Variants in CCK observed in about 807,000 individuals in gnomAD.
CCK encodes the protein cholecystokinin.
Under a neutral mutation model 10.1 loss-of-function variants are expected in CCK, and 11 were observed. The ratio of observed to expected loss-of-function variants is 1.09; its 90% CI spans 0.69 to 1.81. CCK has a LOEUF of 1.81. Among genes scored for constraint, CCK ranks in the 40% most tolerant of loss-of-function variants. The pLI is 0.00. For synonymous variants in CCK, 83 were observed against 71.9 expected (o/e 1.15, Z -0.78); for missense variants, 137 against 159.9 (o/e 0.86, Z 0.77).
In CCK at chr3:42,257,889, C is replaced by T. The variant is rs1711156944; in HGVS notation, c.*209G>A. ...GACCAGGAGTCACAGATGAAGAAAA[C>T]ATTTTGTCTTCCATTTGCACAATTC... On this transcript the variant is annotated 3_prime_UTR_variant, in exon 5 of 5. Transcript: ENST00000396169. 2.0e-6 allele frequency: 1 copy of T among 509,678 alleles called. No individual in the cohort carries two copies. Among genetic ancestry groups the T allele is most frequent in the Non-Finnish European group, 3.4e-6 (1 of 292,066 alleles). 31.6% of individuals were successfully genotyped at this position (509,678 alleles called of 1,614,324 possible).
chr3:42,259,787 A>G (rs1269338824), intron 4 of CCK, among the ~76,000 whole-genome samples: 2 of 152,204 alleles, frequency 1.3e-5, no homozygotes, highest in African/African-American at 4.8e-5. Flanking sequence ...CTCCTGGGGT[A>G]TGAAATCAGC....
intron 4 of CCK, among the ~76,000 whole-genome samples, chr3:42,260,718 T>C (rs1351403257): frequency 1.3e-5 from 2 of 152,236 alleles, no homozygotes; most frequent in Non-Finnish European, 2.9e-5. Context: ...CGGGACTGTC[T>C]GCATGTCACT....
At chr3:42,260,153 C>T (rs1711191553) in intron 4 of CCK, among the ~76,000 whole-genome samples, 1 of 152,200 alleles carries the variant, frequency 6.6e-6, no homozygotes. Flanking sequence ...CAACCCTTCC[C>T]AGTTTTGGAA....
At chr3:42,263,106 T>C (rs1423261747) in intron 4 of CCK, 6 of 461,126 alleles carry the variant, frequency 1.3e-5, no homozygotes, top group South Asian at 2.1e-5. Context: ...TAGAGGGTAT[T>C]CACTGTATCT....
intron 4 of CCK, among the ~76,000 whole-genome samples, chr3:42,260,831 T>C (rs1711200484): frequency 6.6e-6 from 1 of 152,224 alleles, no homozygotes; most frequent in Non-Finnish European, 1.5e-5. Context: ...GTTTAGCTCT[T>C]TTAAACTTTA....
At chr3:42,262,021 G>A (rs1279083604) in intron 4 of CCK, among the ~76,000 whole-genome samples, 2 of 152,098 alleles carry the variant, frequency 1.3e-5, no homozygotes, top group African/African-American at 4.8e-5. Context: ...TGAAGCCTCT[G>A]GGTCAGAGTT....
intron 4 of CCK, among the ~76,000 whole-genome samples, chr3:42,258,531 T>C (rs1195399557): frequency 2.6e-5 from 4 of 152,202 alleles, no homozygotes; most frequent in Non-Finnish European, 5.9e-5. Context: ...CTTGCCTAGA[T>C]TTTCCTTAGT....
intron 4 of CCK, 132 bp from the exon 5 acceptor site, chr3:42,258,363 A>G (rs767491104): frequency 1.1e-5 from 11 of 994,410 alleles, no homozygotes; most frequent in Non-Finnish European, 1.5e-5. Flanking sequence ...TCAAAGAGCT[A>G]TCAAAGTAGT....
intron 4 of CCK, 48 bp downstream of exon 4, chr3:42,263,369 G>C: frequency 6.2e-7 from 1 of 1,613,884 alleles, no homozygotes; most frequent in East Asian, 2.2e-5. Context: ...AGCATCGGGA[G>C]CCTGGGAACA....
At position 42,263,409 on chromosome 3, in the gene CCK, A is replaced by ATT; in HGVS notation, c.214+6_214+7dup. Reference sequence around the variant, plus strand: ...CAGAAGTGAGGGATGGGGAGGCAGCATTCTTACCTTTCCGGGCCTGCTGGA... The same window carrying ATT: ...CAGAAGTGAGGGATGGGGAGGCAGCATTTTCTTACCTTTCCGGGCCTGCTGGA... On this transcript the variant is annotated splice_region_variant and intron_variant, in intron 4 of 4. Transcript: ENST00000396169. 6.2e-7 allele frequency: 1 copy of ATT among 1,614,172 alleles called. No homozygotes were observed. Among genetic ancestry groups the ATT allele is most frequent in the South Asian group, 1.1e-5 (1 of 91,084 alleles).
In CCK at chr3:42,258,024, T is replaced by A; in HGVS notation, c.*74A>T. 1 of 1,433,374 alleles carries A rather than the reference T, an allele frequency of 7.0e-7. No individual in the cohort carries two copies. Among genetic ancestry groups the A allele is most frequent in the Non-Finnish European group, 9.5e-7 (1 of 1,048,870 alleles). 88.8% of individuals were successfully genotyped at this position (1,433,374 alleles called of 1,614,324 possible). On this transcript the variant is annotated 3_prime_UTR_variant, in exon 5 of 5. Transcript: ENST00000396169. ...AACTCCACAGACAATGAGTTATGAG[T>A]GTGATTGTTTTCTTATTCTGCCTCC...
Position 42,263,142 on chromosome 3 carries a change from A to G in CCK, c.214+275T>C, listed in dbSNP as rs2149571547. On this transcript the variant is annotated intron_variant, in intron 4 of 4. Transcript: ENST00000396169. ...AGGAACCCTTTCCTAGGCTTCAATAATTATCTTTTAATGGCTTGGTAAAAT... is the reference window on the plus strand; with the variant it reads ...AGGAACCCTTTCCTAGGCTTCAATAGTTATCTTTTAATGGCTTGGTAAAAT... The G allele has an allele frequency of 9.0e-6, 5 of 556,630 alleles. No individual in the cohort carries two copies. The South Asian group carries it at 1.0e-4, about 11-fold the overall frequency. 34.5% of individuals were successfully genotyped at this position (556,630 alleles called of 1,614,324 possible).
intron 4 of CCK, chr3:42,262,998 G>A (rs1711237412): frequency 6.9e-6 from 2 of 290,878 alleles, no homozygotes; most frequent in Non-Finnish European, 1.3e-5. Flanking sequence ...TTAAACTGTT[G>A]TAGCCAGATC....
intron 4 of CCK, among the ~76,000 whole-genome samples, chr3:42,262,145 C>T (rs1244686695): frequency 2.0e-5 from 3 of 151,522 alleles, no homozygotes; most frequent in African/African-American, 7.3e-5. Context: ...CCTGGAACAC[C>T]AGTTGGGTAA....
chr3:42,258,325 C>T, intron 4 of CCK, 94 bp from the exon 5 acceptor site: 9 of 1,384,948 alleles, frequency 6.5e-6, no homozygotes, highest in Non-Finnish European at 9.0e-6. Context: ...AAGCCAGACG[C>T]AATATAACAG....
Position 42,263,496 on chromosome 3 carries a change from C to A in CCK, c.135G>T (p.Arg45Ser). Reference protein sequence around the residue: ...RAEEAPRRQLRVSQRTDGESR... With the variant: ...RAEEAPRRQLSVSQRTDGESR... ...ACTCGCCATCCGTTCTCTGCGATAC[C>A]CTCAGCTGCCTACGGGGCGCCTCCT... is the stretch of plus-strand genomic sequence containing the variant. The change falls in exon 4 of 5, where the codon AGG becomes AGT. Residue 45 changes from arginine (R) to serine (S), a missense_variant. Transcript: ENST00000396169. The A allele has an allele frequency of 6.2e-7, 1 of 1,614,082 alleles. No homozygotes were observed. The highest frequency in any genetic ancestry group is 8.5e-7 in the Non-Finnish European group (1 of 1,179,992).
chr3:42,263,088 G>A (rs967904713), intron 4 of CCK: 12 of 417,946 alleles, frequency 2.9e-5, no homozygotes, highest in African/African-American at 1.6e-4. Flanking sequence ...GGTCCTTTGC[G>A]TTTTCAGTAG....
chr3:42,266,077 A>G lies in CCK; in HGVS notation c.-776T>C. 1 of 151,838 alleles carries G rather than the reference A, an allele frequency of 6.6e-6. No homozygotes were observed. Among genetic ancestry groups the G allele is most frequent in the East Asian group, 1.9e-4 (1 of 5,170 alleles). 9.4% of individuals were successfully genotyped at this position (151,838 alleles called of 1,614,324 possible). On this transcript the variant is annotated 5_prime_UTR_variant, in exon 1 of 5. Transcript: ENST00000396169. ...CCAGGCCTTGAACCTTGGGACCTCA[A>G]CTCCTCTCCCTTTCTTTCCCCCACC...
At chr3:42,261,112 T>A (rs1004094925) in intron 4 of CCK, among the ~76,000 whole-genome samples, 6 of 152,204 alleles carry the variant, frequency 3.9e-5, no homozygotes, top group Non-Finnish European at 5.9e-5. Flanking sequence ...CCTCTAGATA[T>A]CTTTACCCAC....
Sources: allele counts gnomAD v4.1 joint callset (sites outside exome capture counted in the v4.1 genomes callset), GRCh38; gene constraint gnomAD v4.1.1; transcripts MANE v1.5; gene names NCBI Gene and HGNC (gene_info 2026-07-23, HGNC 2026-07-21).